The following COL19A1 variants were observed in gnomAD, a reference collection of about 807,000 sequenced individuals.
The protein encoded by COL19A1 is collagen type XIX alpha 1 chain.
Under a neutral mutation model 190.2 loss-of-function variants are expected in COL19A1, and 159 were observed. That is an observed-to-expected ratio of 0.84 (90% CI 0.73 to 0.95). COL19A1 has a LOEUF of 0.95. Among genes scored for constraint, COL19A1 ranks in the 40% least tolerant of loss-of-function variants. The probability of loss-of-function intolerance (pLI) is 0.00; values close to 1 mark genes in which losing one functional copy is unlikely to be tolerated. For synonymous variants in COL19A1, 509 were observed against 458.9 expected (o/e 1.11, Z -1.39); for missense variants, 1,418 against 1,431.9 (o/e 0.99, Z 0.16).
intron 9 of COL19A1, among the ~76,000 whole-genome samples, chr6:69,948,716 C>A (rs1334858958): frequency 6.6e-6 from 1 of 151,804 alleles, no homozygotes; most frequent in Non-Finnish European, 1.5e-5. Context: ...ATTTCAGAGA[C>A]AGGCACTACT....
At chr6:70,184,182 G>A (rs1383686996) in intron 44 of COL19A1, among the ~76,000 whole-genome samples, 8 of 152,114 alleles carry the variant, frequency 5.3e-5, no homozygotes, top group African/African-American at 1.9e-4. Context: ...TTTCATAGTA[G>A]GATCATGCTC....
intron 11 of COL19A1, among the ~76,000 whole-genome samples, chr6:70,016,210 C>A: frequency 3.6e-5 from 1 of 27,492 alleles, no homozygotes. Context: ...ACTCTGGGGA[C>A]TGTGGTGGGG....
At chr6:70,080,383 G>A (rs919423116) in intron 15 of COL19A1, among the ~76,000 whole-genome samples, 2 of 152,172 alleles carry the variant, frequency 1.3e-5, no homozygotes, top group Non-Finnish European at 1.5e-5. Flanking sequence ...TGCAATTTCA[G>A]TTTAATTTCA....
chr6:70,093,967 A>G (rs3828769), intron 15 of COL19A1, among the ~76,000 whole-genome samples: 11,409 of 152,256 alleles, frequency 0.075, 475 homozygotes, highest in African/African-American at 0.097. Context: ...ATCTTTCCTT[A>G]GCTCTGAACC....
chr6:69,990,487 T>C (rs2150073623), intron 11 of COL19A1, among the ~76,000 whole-genome samples: 1 of 152,208 alleles, frequency 6.6e-6, no homozygotes, highest in African/African-American at 2.4e-5. Context: ...TTCTAGTTGG[T>C]TGCTGTGCTT....
intron 16 of COL19A1, among the ~76,000 whole-genome samples, chr6:70,109,805 G>A (rs1784184730): frequency 6.6e-6 from 1 of 152,058 alleles, no homozygotes; most frequent in African/African-American, 2.4e-5. Context: ...TTGGTCATTA[G>A]AGATGGAGAA....
Position 69,875,906 on chromosome 6 carries a change from C to T in COL19A1, c.-32-3630C>T, listed in dbSNP as rs9342779. ...ATATTTAAAGCCAAGAGAATGGTGA[C>T]GTCATCTAAGGAGACATTATAAAGA... is the stretch of plus-strand genomic sequence containing the variant. On this transcript the variant is annotated intron_variant, in intron 1 of 50. Coordinates refer to ENST00000620364, the MANE Select transcript of COL19A1 (RefSeq NM_001858.6). Among the ~76,000 whole-genome samples the T allele has an allele frequency of 2.0e-3, 307 of 152,108 alleles. 4 individuals are homozygous for T. The East Asian group carries it at 0.049, about 24-fold the overall frequency.
At chr6:70,154,876 C>T (rs571587532) in intron 31 of COL19A1, among the ~76,000 whole-genome samples, 2 of 152,260 alleles carry the variant, frequency 1.3e-5, no homozygotes, top group East Asian at 3.9e-4. Flanking sequence ...AAGTCAACCC[C>T]TTCCACCTTC....
At chr6:69,918,640 A>T (rs1459579349) in intron 4 of COL19A1, among the ~76,000 whole-genome samples, 1 of 152,126 alleles carries the variant, frequency 6.6e-6, no homozygotes, top group Admixed American at 6.6e-5. Context: ...TGGGAGGTTG[A>T]GGCTGCAATG....
At chr6:70,129,791 T>C (rs1371476856) in intron 17 of COL19A1, among the ~76,000 whole-genome samples, 1 of 152,240 alleles carries the variant, frequency 6.6e-6, no homozygotes, top group Non-Finnish European at 1.5e-5. Flanking sequence ...TAGAGTCTAA[T>C]GTAGTGGTCT....
At chr6:70,024,103 C>A (rs536442952) in intron 12 of COL19A1, among the ~76,000 whole-genome samples, 1 of 152,200 alleles carries the variant, frequency 6.6e-6, no homozygotes, top group Non-Finnish European at 1.5e-5. Flanking sequence ...TGAAGGGAAA[C>A]TAACTCCGTA....
rs557521946 is a variant in COL19A1 at position 70,211,325 on chromosome 6, A to G, written c.*4051A>G. ...CTGACGTTGTTTTAATGAATACTCAAAAAAGCTTTGCAGATTTGTCCATTG... is the reference window on the plus strand; with the variant it reads ...CTGACGTTGTTTTAATGAATACTCAGAAAAGCTTTGCAGATTTGTCCATTG... On this transcript the variant is annotated 3_prime_UTR_variant, in exon 51 of 51. Transcript: ENST00000620364. Among the ~76,000 whole-genome samples, 3 of 152,144 alleles carry G rather than the reference A, an allele frequency of 2.0e-5. No individual in the cohort carries two copies. The highest frequency in any genetic ancestry group is 7.2e-5 in the African/African-American group (3 of 41,526).
At chr6:70,071,155 A>AT in intron 15 of COL19A1, among the ~76,000 whole-genome samples, 1 of 152,222 alleles carries the variant, frequency 6.6e-6, no homozygotes, top group South Asian at 2.1e-4. Context: ...AGTTTCAAAC[A>AT]TGGGTGTCAC....
intron 11 of COL19A1, among the ~76,000 whole-genome samples, chr6:69,968,394 G>T (rs764070759): frequency 9.9e-5 from 15 of 152,146 alleles, no homozygotes; most frequent in Admixed American, 6.6e-5. Flanking sequence ...AAGCTTGTTG[G>T]ATAATTTATT....
intron 41 of COL19A1, among the ~76,000 whole-genome samples, chr6:70,174,650 G>C (rs1267045765): frequency 6.6e-6 from 1 of 152,168 alleles, no homozygotes; most frequent in East Asian, 1.9e-4. Flanking sequence ...AGGGGAGTTG[G>C]ATTTCAACAA....
chr6:70,189,376 C>T (rs1469847485), intron 47 of COL19A1, among the ~76,000 whole-genome samples: 3 of 152,098 alleles, frequency 2.0e-5, no homozygotes, highest in Non-Finnish European at 2.9e-5. Context: ...GGTGATTTTC[C>T]GTAGAGCTTC....
At chr6:69,921,457 A>G (rs1048927215) in intron 4 of COL19A1, among the ~76,000 whole-genome samples, 10 of 121,884 alleles carry the variant, frequency 8.2e-5, no homozygotes, top group Non-Finnish European at 1.4e-4. Flanking sequence ...TATATCATAT[A>G]TATCATATAT....
At chr6:69,984,912 T>C (rs1029551458) in intron 11 of COL19A1, among the ~76,000 whole-genome samples, 3 of 152,170 alleles carry the variant, frequency 2.0e-5, no homozygotes, top group African/African-American at 7.2e-5. Flanking sequence ...ATTGATAATT[T>C]TCTTCATTTT....
chr6:70,137,556 A>G, intron 18 of COL19A1, 129 bp from the exon 19 acceptor site: 1 of 796,914 alleles, frequency 1.3e-6, no homozygotes, highest in Middle Eastern at 2.4e-4. Flanking sequence ...AGAACTTTGC[A>G]TTGTCTGTTG....
Sources: gnomAD v4.1 joint callset for allele counts (sites outside exome capture counted in the v4.1 genomes callset) on GRCh38, gnomAD v4.1.1 for gene constraint, MANE v1.5 for transcripts, NCBI Gene and HGNC (gene_info 2026-07-23, HGNC 2026-07-21) for gene names.